MCTP1: variants seen among roughly 807,000 people sequenced by gnomAD.
The protein encoded by MCTP1 is multiple C2 and transmembrane domain-containing protein 1.
A neutral mutation model predicts 120.6 loss-of-function variants in MCTP1; 69 were observed. That is an observed-to-expected ratio of 0.57 (90% CI 0.47 to 0.70). The LOEUF is 0.70. Among genes scored for constraint, MCTP1 ranks in the 30% least tolerant of loss-of-function variants. MCTP1 has a pLI of 0.00. For missense variants in MCTP1, 1,203 were observed against 1,248.8 expected (o/e 0.96, Z 0.55); for synonymous variants, 529 against 493.1 (o/e 1.07, Z -0.96).
intron 12 of MCTP1, among the ~76,000 whole-genome samples, chr5:94,879,686 C>T (rs934254075): frequency 1.3e-5 from 2 of 151,702 alleles, no homozygotes; most frequent in Admixed American, 6.6e-5. Context: ...ATTATGTAGC[C>T]CTTGGAAAAC....
intron 17 of MCTP1, chr5:94,867,801 G>T: frequency 6.2e-6 from 1 of 161,896 alleles, no homozygotes; most frequent in Non-Finnish European, 1.3e-5. Context: ...TCTCACTTGT[G>T]ACTTTTAAAA....
intron 1 of MCTP1, among the ~76,000 whole-genome samples, chr5:95,244,751 G>A (rs750188964): frequency 2.6e-5 from 4 of 152,314 alleles, no homozygotes; most frequent in South Asian, 2.1e-4. Context: ...TTCCACCTCT[G>A]GGGGCAGGGC....
chr5:94,745,017 G>T (rs1045981879), intron 19 of MCTP1, among the ~76,000 whole-genome samples: 1 of 152,316 alleles, frequency 6.6e-6, no homozygotes, highest in Non-Finnish European at 1.5e-5. Context: ...TAAGATGGTT[G>T]AAACAACAAG....
At position 94,799,356 on chromosome 5, in the gene MCTP1, AAAAGTTGATATCATTACGTTGTC is replaced by A. The variant is rs565481697; in HGVS notation, c.2437-247_2437-225del. ...TCAATCTGTTTAATTTCTATGAAGG[AAAAGTTGATATCATTACGTTGTC>A]AAAGACGAAATTTGAGTTTTTCTCC... On this transcript the variant is annotated intron_variant, in intron 17 of 22. Coordinates refer to ENST00000515393, the MANE Select transcript of MCTP1 (RefSeq NM_024717.7). Among the ~76,000 whole-genome samples the A allele has an allele frequency of 3.5e-4, 53 of 152,300 alleles. No individual in the cohort carries two copies. In the South Asian group the frequency reaches 9.5e-3, roughly 27 times the overall value.
At chr5:94,875,135 T>C (rs778056044) in intron 12 of MCTP1, among the ~76,000 whole-genome samples, 7 of 152,118 alleles carry the variant, frequency 4.6e-5, no homozygotes, top group Non-Finnish European at 8.8e-5. Context: ...TAGAAGGTGA[T>C]AAATACTATG....
At chr5:94,910,893 G>T (rs1198350955) in intron 9 of MCTP1, among the ~76,000 whole-genome samples, 1 of 152,014 alleles carries the variant, frequency 6.6e-6, no homozygotes, top group Non-Finnish European at 1.5e-5. Context: ...TTATAATCAG[G>T]CTCAGATGAA....
chr5:94,890,568 A>G (rs886258325), intron 11 of MCTP1, among the ~76,000 whole-genome samples: 1 of 152,234 alleles, frequency 6.6e-6, no homozygotes, highest in African/African-American at 2.4e-5. Context: ...AATAAATTCA[A>G]AAGTGGAAAT....
At chr5:94,870,579 A>G (rs2153302786) in intron 15 of MCTP1, 88 bp from the exon 16 acceptor site, 1 of 968,508 alleles carries the variant, frequency 1.0e-6, no homozygotes, top group Non-Finnish European at 1.7e-6. Context: ...AATAATTTCT[A>G]AAGTTTCAAA....
At chr5:94,788,499 TTTC>T (rs1294400529) in intron 18 of MCTP1, among the ~76,000 whole-genome samples, 1 of 152,208 alleles carries the variant, frequency 6.6e-6, no homozygotes, top group Non-Finnish European at 1.5e-5. Context: ...GGTCTTATAA[TTTC>T]TTGTCACCTT....
At chr5:95,283,609 T>G (rs899514783) in intron 1 of MCTP1, among the ~76,000 whole-genome samples, 2 of 152,276 alleles carry the variant, frequency 1.3e-5, no homozygotes, top group Non-Finnish European at 2.9e-5. Context: ...TTTCATTGAC[T>G]ACTCAGAAAG....
chr5:95,198,383 C>A lies in MCTP1; in HGVS notation c.720+85473G>T, dbSNP rs1750626982. 2.0e-5 allele frequency among the ~76,000 whole-genome samples: 3 copies of A among 152,204 alleles called. No homozygotes were observed. The South Asian group carries it at 6.2e-4, about 32-fold the overall frequency. On this transcript the variant is annotated intron_variant, in intron 1 of 22. Coordinates refer to ENST00000515393, the MANE Select transcript of MCTP1 (RefSeq NM_024717.7). ...TCAGTAGAAACCATACTGTAAGTAT[C>A]CACACAACCATCCTGTTTTTCACTT...
intron 2 of MCTP1, among the ~76,000 whole-genome samples, chr5:94,961,446 C>T (rs1824171084): frequency 6.6e-6 from 1 of 151,928 alleles, no homozygotes; most frequent in African/African-American, 2.4e-5. Context: ...TCAGAATTGT[C>T]CAGTAAGTTG....
intron 1 of MCTP1, among the ~76,000 whole-genome samples, chr5:95,236,479 T>C (rs1355541569): frequency 5.9e-5 from 9 of 152,188 alleles, no homozygotes. Context: ...CTGGCCATCT[T>C]CCTTTATGTC....
intron 1 of MCTP1, among the ~76,000 whole-genome samples, chr5:95,091,207 C>T (rs1562135329): frequency 6.6e-6 from 1 of 152,132 alleles, no homozygotes; most frequent in African/African-American, 2.4e-5. Context: ...TCTCTTACTG[C>T]TAAGAGCCAA....
chr5:95,153,541 T>C (rs1744772566), intron 1 of MCTP1, among the ~76,000 whole-genome samples: 1 of 152,192 alleles, frequency 6.6e-6, no homozygotes, highest in Non-Finnish European at 1.5e-5. Flanking sequence ...TCCTGACAGT[T>C]TTCCATCTGA....
At chr5:95,261,949 C>T (rs1758508634) in intron 1 of MCTP1, among the ~76,000 whole-genome samples, 1 of 152,110 alleles carries the variant, frequency 6.6e-6, no homozygotes, top group South Asian at 2.1e-4. Context: ...GCAGAGTTTC[C>T]CCACATAGAG....
intron 1 of MCTP1, among the ~76,000 whole-genome samples, chr5:95,184,899 T>C (rs1193758853): frequency 6.6e-6 from 1 of 152,168 alleles, no homozygotes; most frequent in Non-Finnish European, 1.5e-5. Flanking sequence ...CCCCCTATGA[T>C]TCCATCTCCA....
At position 94,925,701 on chromosome 5, in the gene MCTP1, G is replaced by T. The variant is rs1053160532; in HGVS notation, c.1213-1680C>A. Among the ~76,000 whole-genome samples the T allele has an allele frequency of 2.0e-5, 3 of 152,156 alleles. No homozygotes were observed. In the East Asian group the frequency reaches 5.8e-4, roughly 29 times the overall value. On this transcript the variant is annotated intron_variant, in intron 6 of 22. Coordinates refer to ENST00000515393, the MANE Select transcript of MCTP1 (RefSeq NM_024717.7). The stretch of plus-strand genomic sequence containing the variant: ...TGGGATTACAGGCGTGAGCCACTGC[G>T]CCCGGCCAAAGTGACGTTTTAAAAT...
chr5:95,117,133 GA>G (rs1368402812), intron 1 of MCTP1, among the ~76,000 whole-genome samples: 2 of 151,706 alleles, frequency 1.3e-5, no homozygotes, highest in South Asian at 2.1e-4. Context: ...ACAAACATAT[GA>G]AAAAAAAGCT....
Sources: allele counts gnomAD v4.1 joint callset (sites outside exome capture counted in the v4.1 genomes callset), GRCh38; gene constraint gnomAD v4.1.1; transcripts MANE v1.5; gene names NCBI Gene and HGNC (gene_info 2026-07-23, HGNC 2026-07-21).